Variants in WDR7 observed in about 807,000 individuals in gnomAD.
The protein encoded by WDR7 is WD repeat domain 7.
WDR7 carries 46 observed loss-of-function variants against 169.4 expected under a neutral mutation model. The ratio of observed to expected loss-of-function variants is 0.27; its 90% confidence interval spans 0.21 to 0.35. The LOEUF (loss-of-function observed/expected upper bound fraction) is 0.35, where lower values mean the gene tolerates loss of function less well. Ranked by LOEUF, WDR7 falls within the 10% of genes least tolerant of loss-of-function variation. WDR7 has a pLI of 1.00. For synonymous variants in WDR7, 612 were observed against 666.8 expected (o/e 0.92, Z 1.27); for missense variants, 1,534 against 1,859.3 (o/e 0.83, Z 3.22).
intron 26 of WDR7, among the ~76,000 whole-genome samples, chr18:56,979,829 C>T (rs1296720957): frequency 1.3e-5 from 2 of 152,228 alleles, no homozygotes; most frequent in Admixed American, 1.3e-4. Context: ...AGCTGCCTTA[C>T]TTTTCCAAGT....
chr18:56,679,512 G>C (rs1266127530), intron 3 of WDR7, 74 bp downstream of exon 3: 5 of 878,964 alleles, frequency 5.7e-6, no homozygotes, highest in Non-Finnish European at 7.8e-6. Context: ...AAGTAGCGAG[G>C]TATTTTTTTT....
intron 26 of WDR7, among the ~76,000 whole-genome samples, chr18:57,000,063 A>C (rs184926177): frequency 6.6e-6 from 1 of 152,324 alleles, no homozygotes; most frequent in East Asian, 1.9e-4. Context: ...CAGACTGGGC[A>C]TGAAGAATTG....
chr18:56,912,153 T>G (rs1258862571), intron 21 of WDR7, among the ~76,000 whole-genome samples: 1 of 151,910 alleles, frequency 6.6e-6, no homozygotes, highest in Non-Finnish European at 1.5e-5. Flanking sequence ...GAAGCTGGAG[T>G]GTTAGGTGAG....
At chr18:56,878,533 T>C (rs1034491162) in intron 20 of WDR7, among the ~76,000 whole-genome samples, 1 of 152,186 alleles carries the variant, frequency 6.6e-6, no homozygotes, top group Non-Finnish European at 1.5e-5. Flanking sequence ...AATAAATTAC[T>C]CAATGAACAA....
intron 21 of WDR7, among the ~76,000 whole-genome samples, chr18:56,905,783 CTG>C (rs2145581182): frequency 6.6e-6 from 1 of 152,114 alleles, no homozygotes; most frequent in African/African-American, 2.4e-5. Context: ...ACAATACTAA[CTG>C]TAGTGGATTG....
chr18:56,789,457 G>A (rs1369936055), intron 19 of WDR7, among the ~76,000 whole-genome samples: 1 of 152,242 alleles, frequency 6.6e-6, no homozygotes, highest in African/African-American at 2.4e-5. Flanking sequence ...TAACAATGGA[G>A]CCAACAGCCT....
intron 19 of WDR7, among the ~76,000 whole-genome samples, chr18:56,814,770 A>G (rs1198409772): frequency 6.6e-6 from 1 of 152,142 alleles, no homozygotes; most frequent in Non-Finnish European, 1.5e-5. Context: ...AAACCTGCAC[A>G]TGTACCCCTG....
At chr18:56,942,549 T>C (rs2047048427) in intron 25 of WDR7, among the ~76,000 whole-genome samples, 1 of 152,238 alleles carries the variant, frequency 6.6e-6, no homozygotes, top group Admixed American at 6.5e-5. Flanking sequence ...TTTATTAATC[T>C]TTCTTAAATG....
intron 1 of WDR7, among the ~76,000 whole-genome samples, chr18:56,653,739 A>G (rs181310775): frequency 1.7e-3 from 261 of 152,250 alleles, no homozygotes; most frequent in African/African-American, 6.0e-3. Flanking sequence ...GCTGCACAAT[A>G]TTTCAGAATG....
chr18:56,705,299 CT>C lies in WDR7; in HGVS notation c.1578+8849del, dbSNP rs77316990. ...AGAACCAGAGATAGGGATAAGATAT[CT>C]TTTTTTTTTTTGTAATATTTAGTCT... is the stretch of plus-strand genomic sequence containing the variant. On this transcript the variant is annotated intron_variant, in intron 12 of 27. Coordinates refer to ENST00000254442, the MANE Select transcript of WDR7 (RefSeq NM_015285.3). 9.0e-3 allele frequency among the ~76,000 whole-genome samples: 1,311 copies of C among 145,044 alleles called. 5 individuals carry two copies. The highest frequency in any genetic ancestry group is 9.3e-3 in the East Asian group (47 of 5,036).
chr18:56,684,404 A>G (rs764085384), intron 5 of WDR7, among the ~76,000 whole-genome samples: 3 of 152,036 alleles, frequency 2.0e-5, no homozygotes, highest in African/African-American at 4.8e-5. Context: ...CAACTACTCA[A>G]CTCTGCTGTT....
chr18:56,959,649 A>G (rs750133624), intron 25 of WDR7, among the ~76,000 whole-genome samples: 1 of 152,184 alleles, frequency 6.6e-6, no homozygotes, highest in Non-Finnish European at 1.5e-5. Flanking sequence ...ACTTACTCTG[A>G]AACCCCCAAA....
Position 56,672,603 on chromosome 18 carries a change from G to A in WDR7, c.88G>A (p.Asp30Asn), listed in dbSNP as rs1252036075. 2 of 1,613,542 alleles carry A rather than the reference G, an allele frequency of 1.2e-6. No homozygotes were observed. The highest frequency in any genetic ancestry group is 1.1e-5 in the South Asian group (1 of 91,020). ...HCISAVLLTD[D>N]GATIVTGCHD... The stretch of plus-strand genomic sequence containing the variant: ...CATCTCAGCCGTACTTTTAACAGAT[G>A]ATGGGGCCACGATCGTAACAGGATG... The change falls in exon 2 of 28, where the codon GAT becomes AAT. Residue 30 changes from aspartate to asparagine, a missense_variant. Asp to Asn is a conservative substitution (Grantham distance 23). Transcript: ENST00000254442.
chr18:56,929,348 C>T (rs1291403220), intron 22 of WDR7, among the ~76,000 whole-genome samples: 1 of 152,196 alleles, frequency 6.6e-6, no homozygotes, highest in Non-Finnish European at 1.5e-5. Context: ...TATCAGTAAA[C>T]TCTTGAGTGC....
chr18:56,993,343 G>A (rs911746893), intron 26 of WDR7, among the ~76,000 whole-genome samples: 2 of 152,144 alleles, frequency 1.3e-5, no homozygotes, highest in Non-Finnish European at 2.9e-5. Context: ...GGATGCCAAG[G>A]TTGACATAGT....
At chr18:56,855,386 A>G (rs2045704440) in intron 20 of WDR7, among the ~76,000 whole-genome samples, 1 of 152,148 alleles carries the variant, frequency 6.6e-6, no homozygotes, top group Non-Finnish European at 1.5e-5. Context: ...TTTGATAAAG[A>G]GGAGTTCTTT....
In WDR7 at chr18:56,923,676, C is replaced by A. The variant is rs1177775498; in HGVS notation, c.3527-246C>A. Among the ~76,000 whole-genome samples the A allele has an allele frequency of 3.3e-5, 5 of 152,262 alleles. No individual in the cohort carries two copies. In the East Asian group the frequency reaches 9.6e-4, roughly 29 times the overall value. On this transcript the variant is annotated intron_variant, in intron 21 of 27. Coordinates refer to ENST00000254442, the MANE Select transcript of WDR7 (RefSeq NM_015285.3). Reference sequence around the variant, plus strand: ...CTGATATGTTTTGAAATTATATATACTCATTTACGTACAATATGTAATTAA... The same window carrying A: ...CTGATATGTTTTGAAATTATATATAATCATTTACGTACAATATGTAATTAA...
At chr18:56,890,547 G>A (rs1273669660) in intron 21 of WDR7, among the ~76,000 whole-genome samples, 1 of 152,098 alleles carries the variant, frequency 6.6e-6, no homozygotes, top group Non-Finnish European at 1.5e-5. Context: ...TTAAAAAGTA[G>A]CAACAATGAC....
At chr18:56,820,490 A>G (rs1175764805) in intron 20 of WDR7, among the ~76,000 whole-genome samples, 1 of 151,520 alleles carries the variant, frequency 6.6e-6, no homozygotes, top group African/African-American at 2.4e-5. Context: ...TTGTTAAATT[A>G]TAATTAGCTA....
Sources: allele counts gnomAD v4.1 joint callset (sites outside exome capture counted in the v4.1 genomes callset), GRCh38; gene constraint gnomAD v4.1.1; transcripts MANE v1.5; gene names NCBI Gene and HGNC (gene_info 2026-07-23, HGNC 2026-07-21).